ZC3H11A: variants seen among roughly 807,000 people sequenced by gnomAD.
ZC3H11A encodes zinc finger CCCH-type containing 11A, also known as zinc finger CCCH domain-containing protein 11A.
In ZC3H11A, 22 loss-of-function variants were observed where a neutral mutation model predicts 90.8. The observed-to-expected ratio is 0.24, with a 90% CI of 0.17 to 0.35. The LOEUF (loss-of-function observed/expected upper bound fraction) is 0.35. ZC3H11A is among the 10% of genes least tolerant of loss of function. The pLI, the probability that ZC3H11A is intolerant of heterozygous loss-of-function variation, is 1.00. For synonymous variants in ZC3H11A, 294 were observed against 339.8 expected (o/e 0.87, Z 1.48); for missense variants, 701 against 964.9 (o/e 0.73, Z 3.62).
chr1:203,833,333 C>G lies in ZC3H11A; in HGVS notation c.812-458C>G, dbSNP rs112062158. 6.2e-3 allele frequency among the ~76,000 whole-genome samples: 875 copies of G among 141,528 alleles called. 8 individuals are homozygous for G. Among genetic ancestry groups the G allele is most frequent in the African/African-American group, 0.022 (829 of 37,646 alleles). 92.8% of individuals were successfully genotyped at this position (141,528 alleles called of 152,430 possible). On this transcript the variant is annotated intron_variant, in intron 9 of 17. Coordinates refer to ENST00000367210, the MANE Select transcript of ZC3H11A (RefSeq NM_001376342.1). ...TGAGCCGAGATCGGGCCACTGCACT[C>G]TAGCCTGGGCGACAGAGTGAGACTC...
intron 9 of ZC3H11A, among the ~76,000 whole-genome samples, chr1:203,833,062 TG>T (rs1470084173): frequency 6.6e-6 from 1 of 152,206 alleles, no homozygotes; most frequent in African/African-American, 2.4e-5. Context: ...GGTGAAACCC[TG>T]TCTCTACTAA....
chr1:203,799,967 A>T, intron 1 of ZC3H11A: 1 of 1,536,174 alleles, frequency 6.5e-7, no homozygotes, highest in Non-Finnish European at 8.7e-7. Context: ...TTCCAACTTC[A>T]GAAGCTTCTT....
intron 4 of ZC3H11A, 114 bp from the exon 5 acceptor site, chr1:203,828,185 C>A: frequency 2.4e-6 from 3 of 1,259,112 alleles, no homozygotes; most frequent in Non-Finnish European, 3.3e-6. Flanking sequence ...ATCATCTCAT[C>A]TCACATGCCT....
intron 1 of ZC3H11A, chr1:203,798,027 A>G: frequency 6.5e-7 from 1 of 1,533,802 alleles, no homozygotes; most frequent in Non-Finnish European, 8.7e-7. Flanking sequence ...CCATCTTGGT[A>G]CATCTACTCT....
At chr1:203,848,516 A>G in intron 14 of ZC3H11A, 109 bp downstream of exon 14, 3 of 751,028 alleles carry the variant, frequency 4.0e-6, no homozygotes, top group Non-Finnish European at 6.5e-6. Flanking sequence ...TATTAGGTAA[A>G]CAGTCTTTCT....
intron 14 of ZC3H11A, 85 bp downstream of exon 14, chr1:203,848,492 G>A: frequency 1.0e-6 from 1 of 988,586 alleles, no homozygotes; most frequent in East Asian, 2.5e-5. Context: ...AAATTTCTAA[G>A]TACTTCATTC....
chr1:203,808,459 A>G (rs1036134293), intron 2 of ZC3H11A, among the ~76,000 whole-genome samples: 5 of 152,198 alleles, frequency 3.3e-5, no homozygotes, highest in African/African-American at 1.2e-4. Flanking sequence ...GCATTTGATG[A>G]TCCCCTTTAA....
chr1:203,805,504 T>G, intron 2 of ZC3H11A: 1 of 457,346 alleles, frequency 2.2e-6, no homozygotes, highest in Non-Finnish European at 4.3e-6. Flanking sequence ...AAGAGCAATG[T>G]AATTAAACTT....
chr1:203,838,096 A>G (rs1684941920), intron 11 of ZC3H11A, 32 bp downstream of exon 11: 1 of 1,595,210 alleles, frequency 6.3e-7, no homozygotes, highest in Non-Finnish European at 8.6e-7. Flanking sequence ...TTGTGTGTGT[A>G]TGTAATTATG....
At chr1:203,812,333 T>A (rs539892563) in intron 2 of ZC3H11A, among the ~76,000 whole-genome samples, 3 of 152,286 alleles carry the variant, frequency 2.0e-5, no homozygotes, top group Admixed American at 2.0e-4. Context: ...TGTCCAAGTG[T>A]TCTCAGCATT....
intron 1 of ZC3H11A, chr1:203,800,260 G>T: frequency 9.1e-7 from 1 of 1,094,558 alleles, no homozygotes; most frequent in Non-Finnish European, 1.3e-6. Context: ...ATGTGTAGTT[G>T]GCAATCTGAA....
intron 8 of ZC3H11A, 47 bp downstream of exon 8, chr1:203,830,250 G>T: frequency 7.0e-7 from 1 of 1,433,196 alleles, no homozygotes; most frequent in Non-Finnish European, 9.6e-7. Context: ...TGCTAGGGAA[G>T]AATACTAAGG....
chr1:203,833,618 G>GTTTTTT (rs553171669), intron 9 of ZC3H11A, among the ~76,000 whole-genome samples, 173 bp from the exon 10 acceptor site: 15,360 of 123,606 alleles, frequency 0.12, 1,071 homozygotes, highest in East Asian at 0.29. Context: ...ATAGGTTTGG[G>GTTTTTT]TTTTTTTTTT....
intron 2 of ZC3H11A, 121 bp from the exon 3 acceptor site, chr1:203,816,805 C>G (rs1052695028): frequency 2.8e-6 from 1 of 360,930 alleles, no homozygotes; most frequent in African/African-American, 2.1e-5. Context: ...TTACAAGGCT[C>G]TGTATAAGCA....
At chr1:203,813,232 G>T (rs1330296924) in intron 2 of ZC3H11A, among the ~76,000 whole-genome samples, 1 of 151,230 alleles carries the variant, frequency 6.6e-6, no homozygotes, top group Non-Finnish European at 1.5e-5. Flanking sequence ...TTTGGATGGA[G>T]TTTTGCTCTT....
At position 203,829,488 on chromosome 1, in the gene ZC3H11A, A is replaced by G. The variant is rs752391095; in HGVS notation, c.336A>G (p.Glu112=). 36 of 1,613,880 alleles carry G rather than the reference A, an allele frequency of 2.2e-5. No individual in the cohort carries two copies. The highest frequency in any genetic ancestry group is 2.4e-5 in the Non-Finnish European group (28 of 1,179,898). The change falls in exon 6 of 18, where the codon GAA becomes GAG. Residue 112 remains glutamate, a synonymous_variant. Coordinates refer to ENST00000367210, the MANE Select transcript of ZC3H11A (RefSeq NM_001376342.1). The stretch of plus-strand genomic sequence containing the variant: ...CTGTGCCTGAGTCACCAGAAGAGGA[A>G]GTGAAGGCTAGCCAACTTTCAGTTC... The part of the protein sequence containing the change: ...LPTVPESPEE[E]VKASQLSVQQ...
chr1:203,829,959 C>T (rs1251149423), intron 7 of ZC3H11A, 63 bp downstream of exon 7: 1 of 1,479,542 alleles, frequency 6.8e-7, no homozygotes, highest in Non-Finnish European at 9.4e-7. Context: ...AAATTTAGTT[C>T]ACAATCATTG....
At chr1:203,828,485 C>A in intron 5 of ZC3H11A, 63 bp downstream of exon 5, 1 of 1,531,646 alleles carries the variant, frequency 6.5e-7, no homozygotes, top group Non-Finnish European at 8.8e-7. Context: ...CACTGTACAA[C>A]AGTACTTTTC....
At chr1:203,818,841 G>A (rs957885425) in intron 4 of ZC3H11A, 152 bp downstream of exon 4, 65 of 1,240,024 alleles carry the variant, frequency 5.2e-5, no homozygotes, top group African/African-American at 2.4e-4. Context: ...AGGCTGAGGC[G>A]GGTAGATCAT....
Sources: allele counts gnomAD v4.1 joint callset (sites outside exome capture counted in the v4.1 genomes callset), GRCh38; gene constraint gnomAD v4.1.1; transcripts MANE v1.5; gene names NCBI Gene and HGNC (gene_info 2026-07-23, HGNC 2026-07-21).